PXDNL: variants seen among roughly 807,000 people sequenced by gnomAD.
PXDNL encodes the protein peroxidasin like.
A neutral mutation model predicts 150.8 loss-of-function variants in PXDNL; 145 were observed. That is an observed-to-expected ratio of 0.96 (90% confidence interval 0.84 to 1.10). The LOEUF is 1.10. PXDNL is among the 50% of genes least tolerant of loss of function. The probability of loss-of-function intolerance (pLI) is 0.00; values close to 1 mark genes in which losing one functional copy is unlikely to be tolerated. For missense variants in PXDNL, 2,087 were observed against 1,873.9 expected (o/e 1.11, Z -2.10); for synonymous variants, 757 against 725.7 (o/e 1.04, Z -0.69).
chr8:51,643,739 C>G (rs905554481), intron 2 of PXDNL, among the ~76,000 whole-genome samples: 1 of 152,080 alleles, frequency 6.6e-6, no homozygotes, highest in African/African-American at 2.4e-5. Flanking sequence ...AAGAAACTAC[C>G]GTCAGAGTGA....
chr8:51,524,175 A>G (rs1002367179), intron 4 of PXDNL, among the ~76,000 whole-genome samples: 2 of 152,180 alleles, frequency 1.3e-5, no homozygotes, highest in African/African-American at 4.8e-5. Context: ...TTTAAATACA[A>G]TCCTGTTATG....
chr8:51,752,978 C>A (rs1417527811), intron 1 of PXDNL, among the ~76,000 whole-genome samples: 2 of 152,218 alleles, frequency 1.3e-5, no homozygotes, highest in Non-Finnish European at 2.9e-5. Flanking sequence ...TGCCAGAATC[C>A]TGGGGAAAGG....
intron 4 of PXDNL, among the ~76,000 whole-genome samples, chr8:51,520,432 G>A (rs1223124606): frequency 6.6e-6 from 1 of 152,072 alleles, no homozygotes; most frequent in African/African-American, 2.4e-5. Flanking sequence ...ACTCCACGCC[G>A]CACCAGGAGG....
chr8:51,754,481 T>C (rs1174910970), intron 1 of PXDNL, among the ~76,000 whole-genome samples: 1 of 150,924 alleles, frequency 6.6e-6, no homozygotes, highest in African/African-American at 2.4e-5. Context: ...AATGAGCTAG[T>C]TCATCCAGGC....
chr8:51,380,869 T>G (rs1327317626), intron 17 of PXDNL, among the ~76,000 whole-genome samples: 1 of 152,186 alleles, frequency 6.6e-6, no homozygotes, highest in East Asian at 1.9e-4. Flanking sequence ...ATGGAATGTT[T>G]TTTTCTGCCA....
chr8:51,608,708 G>A (rs1032819743), intron 2 of PXDNL, among the ~76,000 whole-genome samples: 1 of 151,016 alleles, frequency 6.6e-6, no homozygotes, highest in Non-Finnish European at 1.5e-5. Context: ...GTGGTGGTGG[G>A]TGCCTGTAGT....
At chr8:51,760,768 T>C (rs188415290) in intron 1 of PXDNL, among the ~76,000 whole-genome samples, 1 of 151,842 alleles carries the variant, frequency 6.6e-6, no homozygotes, top group East Asian at 1.9e-4. Context: ...ATAACAGTAA[T>C]ACTTGTGTGC....
chr8:51,710,493 A>G (rs1816476566), intron 1 of PXDNL, among the ~76,000 whole-genome samples: 1 of 152,184 alleles, frequency 6.6e-6, no homozygotes, highest in East Asian at 1.9e-4. Flanking sequence ...CAAATATACA[A>G]TACAATGCAA....
intron 8 of PXDNL, among the ~76,000 whole-genome samples, chr8:51,469,588 T>G (rs1810278991): frequency 6.6e-6 from 1 of 152,008 alleles, no homozygotes; most frequent in Non-Finnish European, 1.5e-5. Flanking sequence ...AATCCACTCC[T>G]CTAAGGACCC....
Position 51,408,975 on chromosome 8 carries a change from T to A in PXDNL, c.2649A>T (p.Ala883=). ...RPSATVDSVY[A]REQINQQTAY... ...CTGTTTGCTGGTTGATCTGCTCTCGTGCATAGACTGAATCCACCGTCGCAG... is the reference window on the plus strand; with the variant it reads ...CTGTTTGCTGGTTGATCTGCTCTCGAGCATAGACTGAATCCACCGTCGCAG... The change falls in exon 17 of 23, where the codon GCA becomes GCT. Residue 883 remains alanine, a synonymous_variant. Transcript: ENST00000356297. 6.2e-7 allele frequency: 1 copy of A among 1,612,222 alleles called. No individual in the cohort carries two copies. Among genetic ancestry groups the A allele is most frequent in the Non-Finnish European group, 8.5e-7 (1 of 1,179,848 alleles).
rs1810942126 is a variant in PXDNL at position 51,493,186 on chromosome 8, C to A, written c.452+6513G>T. Among the ~76,000 whole-genome samples the A allele has an allele frequency of 2.6e-5, 4 of 152,166 alleles. No individual in the cohort carries two copies. The East Asian group carries it at 7.7e-4, about 29-fold the overall frequency. On this transcript the variant is annotated intron_variant, in intron 5 of 22. Transcript: ENST00000356297. ...CAGGCAAACAGGATCTGGAGTGGAC[C>A]TCCAGCAAACTCCAACAGACCTGCA...
chr8:51,670,136 G>T (rs1269985485), intron 1 of PXDNL, among the ~76,000 whole-genome samples: 2 of 152,126 alleles, frequency 1.3e-5, no homozygotes, highest in African/African-American at 2.4e-5. Flanking sequence ...TACTCGGGCA[G>T]CTGAGGCAGG....
intron 20 of PXDNL, among the ~76,000 whole-genome samples, chr8:51,342,879 CAAAAAAAAAAA>C (rs35948794): frequency 1.1e-5 from 1 of 90,224 alleles, no homozygotes; most frequent in East Asian, 4.6e-4. Context: ...GATTAAGATT[CAAAAAAAAAAA>C]AAAAAAAAAG....
chr8:51,435,825 A>C, intron 12 of PXDNL: 2 of 442,508 alleles, frequency 4.5e-6, no homozygotes, highest in Non-Finnish European at 9.0e-6. Flanking sequence ...AAATTTCAGA[A>C]CAAGACATTT....
chr8:51,533,738 C>G (rs1415160825), intron 4 of PXDNL, among the ~76,000 whole-genome samples: 1 of 151,096 alleles, frequency 6.6e-6, no homozygotes, highest in Non-Finnish European at 1.5e-5. Context: ...CCGCCAGCCT[C>G]GGCCTCCCGA....
Position 51,435,768 on chromosome 8 carries a change from G to A in PXDNL, c.1526-9010C>T, listed in dbSNP as rs967543068. ...CCAGGCCCCGTTTGCAAGGGGGAGT[G>A]AAAAAACAAGGAATGGATTTTCATC... On this transcript the variant is annotated intron_variant, in intron 12 of 22. Transcript: ENST00000356297. 7.2e-5 allele frequency: 29 copies of A among 402,160 alleles called. No individual in the cohort carries two copies. In the Admixed American group the frequency reaches 8.3e-4, roughly 11 times the overall value. The allele number at this position is 402,160 out of a possible 1,614,324, so 24.9% of individuals were successfully genotyped here.
chr8:51,490,972 A>C (rs1270922201), intron 5 of PXDNL, among the ~76,000 whole-genome samples: 2 of 152,188 alleles, frequency 1.3e-5, no homozygotes, highest in Non-Finnish European at 2.9e-5. Flanking sequence ...CATTTGAGTC[A>C]GTGAACTGGG....
At chr8:51,447,310 A>G in intron 11 of PXDNL, 148 bp from the exon 12 acceptor site, 1 of 653,638 alleles carries the variant, frequency 1.5e-6, no homozygotes, top group Non-Finnish European at 2.4e-6. Flanking sequence ...TAGGATTGCA[A>G]CCCCAGAAAC....
intron 19 of PXDNL, among the ~76,000 whole-genome samples, chr8:51,361,138 G>A (rs540184259): frequency 2.2e-4 from 33 of 152,168 alleles, no homozygotes; most frequent in Non-Finnish European, 3.4e-4. Flanking sequence ...AAAGCTCCAC[G>A]GATTTGTTTT....
Sources: gnomAD v4.1 joint callset for allele counts (sites outside exome capture counted in the v4.1 genomes callset) on GRCh38, gnomAD v4.1.1 for gene constraint, MANE v1.5 for transcripts, NCBI Gene and HGNC (gene_info 2026-07-23, HGNC 2026-07-21) for gene names.